Variants in RSPH14 observed in about 807,000 individuals in gnomAD.
The protein encoded by RSPH14 is radial spoke head 14 homolog.
RSPH14 carries 20 observed loss-of-function variants against 26.7 expected under a neutral mutation model. The ratio of observed to expected loss-of-function variants is 0.75; its 90% CI spans 0.53 to 1.09. The LOEUF (loss-of-function observed/expected upper bound fraction) is 1.09. Ranked by LOEUF, RSPH14 falls within the 50% of genes least tolerant of loss-of-function variation. The probability of loss-of-function intolerance (pLI) is 0.00; values close to 1 mark genes in which losing one functional copy is unlikely to be tolerated. For synonymous variants in RSPH14, 177 were observed against 189.3 expected (o/e 0.93, Z 0.53); for missense variants, 449 against 457.2 (o/e 0.98, Z 0.16).
chr22:23,128,291 T>G (rs1050968481), intron 4 of RSPH14, among the ~76,000 whole-genome samples: 130 of 152,308 alleles, frequency 8.5e-4, no homozygotes, highest in African/African-American at 3.1e-3. Context: ...GCAGGAATGA[T>G]GGTCACCGAT....
At chr22:23,121,548 G>A (rs1435217810) in intron 4 of RSPH14, among the ~76,000 whole-genome samples, 1 of 152,174 alleles carries the variant, frequency 6.6e-6, no homozygotes, top group Non-Finnish European at 1.5e-5. Context: ...TAAAACAGGA[G>A]TGGGCAGATG....
chr22:23,156,776 C>T, the RSPH14 span, among the ~76,000 whole-genome samples: 1 of 152,210 alleles, frequency 6.6e-6, no homozygotes, highest in Non-Finnish European at 1.5e-5. Context: ...CCAGCTCTGC[C>T]CTGGTCGCAT....
At chr22:23,127,761 T>G (rs890876503) in intron 4 of RSPH14, among the ~76,000 whole-genome samples, 1 of 152,184 alleles carries the variant, frequency 6.6e-6, no homozygotes, top group Non-Finnish European at 1.5e-5. Flanking sequence ...TTAGATGCTA[T>G]GACTCCAGGG....
At chr22:23,172,209 C>T in the RSPH14 span, among the ~76,000 whole-genome samples, 1 of 152,194 alleles carries the variant, frequency 6.6e-6, no homozygotes, top group Non-Finnish European at 1.5e-5. Context: ...CTTTTTCAGA[C>T]AGCGTCTGGT....
chr22:23,123,390 G>A (rs776278844), intron 4 of RSPH14: 1 of 1,613,786 alleles, frequency 6.2e-7, no homozygotes, highest in Non-Finnish European at 8.5e-7. Flanking sequence ...GGTGACAGAC[G>A]TCATCATACA....
At chr22:23,075,949 G>T (rs895576556) in intron 4 of RSPH14, among the ~76,000 whole-genome samples, 4 of 152,208 alleles carry the variant, frequency 2.6e-5, no homozygotes, top group African/African-American at 9.7e-5. Context: ...GGAGGCCAAG[G>T]TCCTCTGAGG....
intron 3 of RSPH14, chr22:23,137,683 C>G (rs1451939730): frequency 1.0e-5 from 5 of 499,620 alleles, no homozygotes; most frequent in African/African-American, 2.0e-5. Context: ...TCTTTTCTTC[C>G]TTCTGGGCCT....
the RSPH14 span, among the ~76,000 whole-genome samples, chr22:23,174,546 G>T: frequency 6.6e-6 from 1 of 152,138 alleles, no homozygotes; most frequent in Non-Finnish European, 1.5e-5. Flanking sequence ...AATATGGATT[G>T]GGGATGCTGG....
chr22:23,132,177 A>T (rs943441075), intron 4 of RSPH14, among the ~76,000 whole-genome samples: 2 of 152,162 alleles, frequency 1.3e-5, no homozygotes, highest in Non-Finnish European at 2.9e-5. Flanking sequence ...ATGGGAAATA[A>T]CCTGTCCAGG....
At chr22:23,168,722 C>A in the RSPH14 span, among the ~76,000 whole-genome samples, 4 of 152,286 alleles carry the variant, frequency 2.6e-5, no homozygotes, top group East Asian at 7.7e-4. Flanking sequence ...TCCAGGCACC[C>A]CCTCAGTATT....
chr22:23,153,256 G>C, the RSPH14 span: 1 of 762,198 alleles, frequency 1.3e-6, no homozygotes, highest in Non-Finnish European at 2.2e-6. Flanking sequence ...CAGAGCCTGG[G>C]GGTGTTGTGT....
chr22:23,082,767 T>G (rs2068718623), intron 4 of RSPH14, among the ~76,000 whole-genome samples: 1 of 152,018 alleles, frequency 6.6e-6, no homozygotes, highest in Non-Finnish European at 1.5e-5. Context: ...AGGGACAACC[T>G]GCAGGGAAGT....
chr22:23,164,465 C>T, the RSPH14 span: 1 of 152,230 alleles, frequency 6.6e-6, no homozygotes. Context: ...ACGCAAGGGG[C>T]TCAGTTGTCC....
chr22:23,104,601 A>G (rs1419980280), intron 4 of RSPH14, among the ~76,000 whole-genome samples: 1 of 152,252 alleles, frequency 6.6e-6, no homozygotes, highest in Non-Finnish European at 1.5e-5. Flanking sequence ...AGGGATTTGT[A>G]TAATCCAGTA....
the RSPH14 span, among the ~76,000 whole-genome samples, chr22:23,168,496 C>CCACA: frequency 6.6e-6 from 1 of 151,782 alleles, no homozygotes; most frequent in Admixed American, 6.6e-5. Context: ...CCGCTCCCCG[C>CCACA]CACACACACA....
chr22:23,094,251 C>A (rs1910004967), intron 4 of RSPH14, among the ~76,000 whole-genome samples: 1 of 152,116 alleles, frequency 6.6e-6, no homozygotes, highest in South Asian at 2.1e-4. Flanking sequence ...TTGGGTGGGG[C>A]CTGGTGCCAC....
chr22:23,152,376 A>C, the RSPH14 span: 10 of 1,365,692 alleles, frequency 7.3e-6, no homozygotes, highest in African/African-American at 1.4e-5. Flanking sequence ...TCACCAGCAG[A>C]GAGCTCAGGG....
chr22:23,164,371 C>T, the RSPH14 span: 1 of 152,278 alleles, frequency 6.6e-6, no homozygotes, highest in Non-Finnish European at 1.5e-5. Flanking sequence ...CAGCTGATTC[C>T]CACACACCCT....
chr22:23,142,401 C>T (rs764698992), upstream of RSPH14, among the ~76,000 whole-genome samples: 1 of 152,092 alleles, frequency 6.6e-6, no homozygotes, highest in Non-Finnish European at 1.5e-5. Context: ...CTGCAACCTC[C>T]GCTCCACTCC....
Sources: gnomAD v4.1 joint callset for allele counts (sites outside exome capture counted in the v4.1 genomes callset) on GRCh38, gnomAD v4.1.1 for gene constraint, MANE v1.5 for transcripts, NCBI Gene and HGNC (gene_info 2026-07-23, HGNC 2026-07-21) for gene names.